Variants in RAPGEF4 observed in about 807,000 individuals in gnomAD.
RAPGEF4 encodes Rap guanine nucleotide exchange factor 4, also known as RAP guanine-nucleotide-exchange factor (GEF) 4.
Under a neutral mutation model 147.9 loss-of-function variants are expected in RAPGEF4, and 66 were observed. The ratio of observed to expected loss-of-function variants is 0.45; its 90% CI spans 0.37 to 0.55. The LOEUF is 0.55. RAPGEF4 is among the 20% of genes least tolerant of loss of function. RAPGEF4 has a pLI of 0.00. For synonymous variants in RAPGEF4, 419 were observed against 442.7 expected (o/e 0.95, Z 0.67); for missense variants, 1,071 against 1,257.3 (o/e 0.85, Z 2.24).
At chr2:173,039,369 G>T (rs1473905299) in intron 29 of RAPGEF4, among the ~76,000 whole-genome samples, 1 of 151,980 alleles carries the variant, frequency 6.6e-6, no homozygotes, top group Non-Finnish European at 1.5e-5. Context: ...GGAAGCTGAG[G>T]CAGGAGAATG....
chr2:173,000,116 T>A (rs1438152760), intron 16 of RAPGEF4, among the ~76,000 whole-genome samples: 1 of 152,148 alleles, frequency 6.6e-6, no homozygotes. Context: ...TTAAAAAAAA[T>A]ATTTTCTTGC....
chr2:172,929,553 G>C (rs1225053412), intron 6 of RAPGEF4, among the ~76,000 whole-genome samples: 1 of 152,134 alleles, frequency 6.6e-6, no homozygotes. Context: ...CCTATTGCCA[G>C]TTTTTATAAA....
chr2:172,773,618 C>G (rs868834424), intron 1 of RAPGEF4, among the ~76,000 whole-genome samples: 10 of 151,716 alleles, frequency 6.6e-5, no homozygotes, highest in Admixed American at 1.3e-4. Flanking sequence ...CCCTCCCCAC[C>G]CCACACTGCC....
At chr2:172,967,493 T>C in intron 10 of RAPGEF4, 49 bp downstream of exon 10, 2 of 1,554,986 alleles carry the variant, frequency 1.3e-6, no homozygotes, top group Non-Finnish European at 1.7e-6. Flanking sequence ...GGCCGCCTAG[T>C]GCATAGACAT....
intron 4 of RAPGEF4, among the ~76,000 whole-genome samples, chr2:172,841,248 CT>C (rs1475014393): frequency 1.3e-5 from 2 of 152,178 alleles, no homozygotes; most frequent in Non-Finnish European, 2.9e-5. Flanking sequence ...CCCTCAAGAA[CT>C]GGTTCTTGAA....
chr2:172,849,074 C>CT (rs71018522), intron 4 of RAPGEF4, among the ~76,000 whole-genome samples: 9,825 of 134,292 alleles, frequency 0.073, 319 homozygotes, highest in Non-Finnish European at 0.086. Flanking sequence ...GGGAGCTTTT[C>CT]TTTTTTTTTT....
At chr2:173,016,559 C>G in intron 19 of RAPGEF4, 122 bp downstream of exon 19, 1 of 763,842 alleles carries the variant, frequency 1.3e-6, no homozygotes, top group Non-Finnish European at 2.2e-6. Context: ...TTGATTTAAG[C>G]AGACTGGGCT....
At chr2:172,828,510 T>C (rs1689936485) in intron 4 of RAPGEF4, among the ~76,000 whole-genome samples, 1 of 152,168 alleles carries the variant, frequency 6.6e-6, no homozygotes, top group Admixed American at 6.5e-5. Flanking sequence ...AGCTCCTCCT[T>C]GACCCATCTC....
intron 1 of RAPGEF4, among the ~76,000 whole-genome samples, chr2:172,781,648 T>C (rs1179810360): frequency 6.6e-6 from 1 of 152,182 alleles, no homozygotes; most frequent in African/African-American, 2.4e-5. Context: ...TGGGAGGATT[T>C]GTTCCAGGAC....
intron 4 of RAPGEF4, among the ~76,000 whole-genome samples, chr2:172,848,073 G>A (rs2149724984): frequency 6.6e-6 from 1 of 152,282 alleles, no homozygotes. Flanking sequence ...GACAAAGATT[G>A]AGAGTCTAGT....
intron 23 of RAPGEF4, among the ~76,000 whole-genome samples, chr2:173,025,977 A>G (rs4332889): frequency 0.93 from 142,225 of 152,150 alleles, 66,634 homozygotes; most frequent in East Asian, 1. Context: ...AAAACACCAT[A>G]ACCATGCGAA....
chr2:172,812,205 A>C (rs1157082753), intron 3 of RAPGEF4, among the ~76,000 whole-genome samples: 2 of 152,214 alleles, frequency 1.3e-5, no homozygotes, highest in Non-Finnish European at 2.9e-5. Flanking sequence ...GTGAAAGAGA[A>C]GATCTGGAAA....
intron 6 of RAPGEF4, among the ~76,000 whole-genome samples, chr2:172,954,613 A>G (rs1003493600): frequency 2.6e-5 from 4 of 152,180 alleles, no homozygotes; most frequent in Admixed American, 2.0e-4. Flanking sequence ...CTTAGTCCTT[A>G]TTTTAATTTC....
chr2:172,956,742 T>C (rs935661539), intron 6 of RAPGEF4, among the ~76,000 whole-genome samples: 2 of 152,224 alleles, frequency 1.3e-5, no homozygotes, highest in African/African-American at 4.8e-5. Flanking sequence ...AGTGCCGGGA[T>C]TACAGGCGTG....
intron 1 of RAPGEF4, among the ~76,000 whole-genome samples, chr2:172,755,488 A>G (rs1328736570): frequency 2.6e-5 from 4 of 152,182 alleles, no homozygotes; most frequent in African/African-American, 7.2e-5. Flanking sequence ...TCTGCCTCTC[A>G]GTTCAAGCGA....
At chr2:172,854,927 C>CA (rs1693247072) in intron 4 of RAPGEF4, among the ~76,000 whole-genome samples, 4 of 152,128 alleles carry the variant, frequency 2.6e-5, no homozygotes, top group African/African-American at 9.7e-5. Context: ...GCAAAAATTG[C>CA]TTGTAAACAA....
At chr2:172,751,646 T>C (rs1278699541) in intron 1 of RAPGEF4, among the ~76,000 whole-genome samples, 1 of 152,138 alleles carries the variant, frequency 6.6e-6, no homozygotes, top group Non-Finnish European at 1.5e-5. Flanking sequence ...AGAAGTGATA[T>C]TTGACCAAAG....
In RAPGEF4 at chr2:172,857,491, T is replaced by A. The variant is rs6722987; in HGVS notation, c.444+43066T>A. Among the ~76,000 whole-genome samples the A allele has an allele frequency of 1.5e-3, 224 of 152,376 alleles. 1 individual carries two copies. The highest frequency in any genetic ancestry group is 5.3e-3 in the African/African-American group (219 of 41,588). On this transcript the variant is annotated intron_variant, in intron 4 of 30. Coordinates refer to ENST00000397081, the MANE Select transcript of RAPGEF4 (RefSeq NM_007023.4). The stretch of plus-strand genomic sequence containing the variant: ...GACGCGAGTTTATATACAAGTTGCA[T>A]TCAAGGATCATGAGCTCTTGGTTAA...
At chr2:172,828,936 C>T (rs1284753816) in intron 4 of RAPGEF4, among the ~76,000 whole-genome samples, 1 of 152,148 alleles carries the variant, frequency 6.6e-6, no homozygotes, top group Non-Finnish European at 1.5e-5. Flanking sequence ...GAGGAGATGA[C>T]GATCCAGATG....
Sources: allele counts gnomAD v4.1 joint callset (sites outside exome capture counted in the v4.1 genomes callset), GRCh38; gene constraint gnomAD v4.1.1; transcripts MANE v1.5; gene names NCBI Gene and HGNC (gene_info 2026-07-23, HGNC 2026-07-21).